The following ACOXL variants were observed in gnomAD, a reference collection of about 807,000 sequenced individuals.
The protein encoded by ACOXL is acyl-CoA oxidase like, also known as acyl-coenzyme A oxidase-like protein.
Under a neutral mutation model 71.9 loss-of-function variants are expected in ACOXL, and 70 were observed. The observed-to-expected ratio is 0.97, with a 90% CI of 0.80 to 1.19. The LOEUF (loss-of-function observed/expected upper bound fraction) is 1.19. Ranked by LOEUF, ACOXL falls within the 50% of genes most tolerant of loss-of-function variation. The pLI is 0.00. For synonymous variants in ACOXL, 253 were observed against 281.6 expected, an observed-to-expected ratio of 0.90 and a Z score of 1.02; for missense variants, 703 against 736.3, an observed-to-expected ratio of 0.95 and a Z score of 0.52.
intron 10 of ACOXL, among the ~76,000 whole-genome samples, chr2:110,858,103 T>C (rs908228412): frequency 2.0e-5 from 3 of 152,216 alleles, no homozygotes; most frequent in African/African-American, 7.2e-5. Context: ...GAGTACCTGC[T>C]ATCTGCCTAG....
chr2:111,083,948 C>T (rs1353126341), intron 16 of ACOXL, among the ~76,000 whole-genome samples: 1 of 152,002 alleles, frequency 6.6e-6, no homozygotes, highest in South Asian at 2.1e-4. Context: ...ATATTAGACT[C>T]TATAGACAGA....
At chr2:111,039,597 A>G (rs527305287) in intron 15 of ACOXL, among the ~76,000 whole-genome samples, 1 of 152,334 alleles carries the variant, frequency 6.6e-6, no homozygotes, top group South Asian at 2.1e-4. Context: ...CAAAGCAGAT[A>G]TTGAATACTT....
chr2:110,856,473 C>T lies in ACOXL; in HGVS notation c.788+15068C>T, dbSNP rs192331997. Among the ~76,000 whole-genome samples, 519 of 152,262 alleles carry T rather than the reference C, an allele frequency of 3.4e-3. 3 individuals carry two copies. Among genetic ancestry groups the T allele is most frequent in the African/African-American group, 0.012 (479 of 41,540 alleles). On this transcript the variant is annotated intron_variant, in intron 10 of 17. Coordinates refer to ENST00000439055, the MANE Select transcript of ACOXL (RefSeq NM_001142807.4). ...CAATTGGGATATGCCAAAGAGAAGC[C>T]ATAAAGTGTTTCCTTTAGGTAAAAA... is the stretch of plus-strand genomic sequence containing the variant.
rs1277342272 is a variant in ACOXL at position 110,784,795 on chromosome 2, G to A, written c.139G>A (p.Asp47Asn). Reference protein sequence around the residue: ...LVIGEVLSMADMATGVKCGII... With the variant: ...LVIGEVLSMANMATGVKCGII... ...CATAGGAGAAGTCCTCTCCATGGCG[G>A]ACATGGCCACAGGAGTGAAGGTGAG... Residue 47 changes from aspartate to asparagine, a missense_variant, in exon 3 of 18, where the codon GAC (aspartate) becomes AAC (asparagine). By Grantham distance (23) the Asp-to-Asn change is conservative. Coordinates refer to ENST00000439055, the MANE Select transcript of ACOXL (RefSeq NM_001142807.4). 1 of 1,607,442 alleles carries A rather than the reference G, an allele frequency of 6.2e-7. No individual in the cohort carries two copies. The highest frequency in any genetic ancestry group is 1.7e-5 in the Admixed American group (1 of 58,284).
intron 16 of ACOXL, among the ~76,000 whole-genome samples, chr2:111,070,252 C>T (rs183813798): frequency 1.3e-4 from 20 of 152,260 alleles, no homozygotes; most frequent in African/African-American, 3.9e-4. Context: ...AATCAACCAA[C>T]GTAGATGCCC....
At chr2:110,786,615 C>T (rs761863627) in intron 3 of ACOXL, among the ~76,000 whole-genome samples, 1 of 152,180 alleles carries the variant, frequency 6.6e-6, no homozygotes, top group Non-Finnish European at 1.5e-5. Context: ...AGCAAGCCTC[C>T]GTGGATTGTG....
At chr2:110,869,336 CCA>C (rs1057440426) in intron 10 of ACOXL, among the ~76,000 whole-genome samples, 1 of 152,154 alleles carries the variant, frequency 6.6e-6, no homozygotes, top group African/African-American at 2.4e-5. Context: ...TGTATCAGAG[CCA>C]CACACACTTC....
rs1275399506 is a variant in ACOXL, at chr2:110,933,609, C to A, written c.1026C>A (p.Cys342Ter). 1 of 1,613,220 alleles carries A rather than the reference C, an allele frequency of 6.2e-7. No homozygotes were observed. The highest frequency in any genetic ancestry group is 2.2e-5 in the East Asian group (1 of 44,886). ...ACAGCACCTGGGAGAACATCCGCTG[C>A]CTGCAGGACTGCCGCGAGTGCACTG... ...KAYSTWENIR[C>*]LQDCRECTGG... is the part of the protein sequence containing the mutation. Residue 342 changes from cysteine (C) to a stop codon, truncating the protein, a stop_gained, in exon 12 of 18, where the codon TGC (cysteine) becomes TGA (stop). Transcript: ENST00000439055. LOFTEE classifies it high-confidence loss of function.
chr2:110,907,265 G>T (rs1000027810), intron 10 of ACOXL, among the ~76,000 whole-genome samples: 3 of 152,004 alleles, frequency 2.0e-5, no homozygotes, highest in Non-Finnish European at 4.4e-5. Context: ...TTTTTATAAG[G>T]CCACCAATTC....
At chr2:111,067,847 C>T (rs2067146076) in intron 16 of ACOXL, among the ~76,000 whole-genome samples, 1 of 152,146 alleles carries the variant, frequency 6.6e-6, no homozygotes, top group South Asian at 2.1e-4. Context: ...GGGGAAATGG[C>T]CCTGCTTTCA....
intron 15 of ACOXL, among the ~76,000 whole-genome samples, chr2:111,048,323 G>A (rs980576182): frequency 6.6e-6 from 1 of 152,210 alleles, no homozygotes; most frequent in African/African-American, 2.4e-5. Context: ...AGGTCATAGA[G>A]GGTAAAGAGT....
chr2:110,735,729 T>C (rs988085462), intron 1 of ACOXL, among the ~76,000 whole-genome samples: 1 of 152,198 alleles, frequency 6.6e-6, no homozygotes, highest in African/African-American at 2.4e-5. Flanking sequence ...ATTGTGCATC[T>C]GACCAGGTGT....
chr2:110,892,554 G>A (rs1043283770), intron 10 of ACOXL, among the ~76,000 whole-genome samples: 2 of 152,138 alleles, frequency 1.3e-5, no homozygotes, highest in African/African-American at 4.8e-5. Flanking sequence ...TTTTTGCTCG[G>A]AGGGGTGGTT....
intron 16 of ACOXL, among the ~76,000 whole-genome samples, chr2:111,065,240 C>G (rs1330796467): frequency 6.6e-6 from 1 of 152,126 alleles, no homozygotes; most frequent in Non-Finnish European, 1.5e-5. Flanking sequence ...GCATGAGCAA[C>G]TCCAGTGAAG....
At chr2:111,035,759 A>G (rs1446395615) in intron 15 of ACOXL, among the ~76,000 whole-genome samples, 1 of 152,238 alleles carries the variant, frequency 6.6e-6, no homozygotes, top group African/African-American at 2.4e-5. Context: ...TTTCTTTGTT[A>G]ATAAAAACAT....
intron 15 of ACOXL, among the ~76,000 whole-genome samples, chr2:111,043,080 G>A (rs2065859649): frequency 6.6e-6 from 1 of 152,214 alleles, no homozygotes; most frequent in African/African-American, 2.4e-5. Flanking sequence ...GATGCATGCT[G>A]GCTCCTGTGG....
intron 12 of ACOXL, among the ~76,000 whole-genome samples, chr2:110,972,043 A>C (rs1366281305): frequency 6.6e-6 from 1 of 152,230 alleles, no homozygotes; most frequent in Non-Finnish European, 1.5e-5. Flanking sequence ...GGGAATGATC[A>C]CAATTTCTAA....
At chr2:111,050,586 G>A (rs2066243217) in intron 16 of ACOXL, among the ~76,000 whole-genome samples, 1 of 152,090 alleles carries the variant, frequency 6.6e-6, no homozygotes, top group Admixed American at 6.6e-5. Context: ...TCTATCCTGT[G>A]TTTTCTCCTA....
rs760567246 is a variant in ACOXL at position 110,805,256 on chromosome 2, T to C, written c.621-7T>C. ...TTTTTGTGAAACCCCACCTCTCTTT[T>C]CCACAGGTTTGGTTCCGTGGCTCCA... On this transcript the variant is annotated splice_polypyrimidine_tract_variant and splice_region_variant and intron_variant, in intron 8 of 17. Transcript: ENST00000439055. The C allele has an allele frequency of 1.2e-5, 20 of 1,613,824 alleles. No individual in the cohort carries two copies. Among genetic ancestry groups the C allele is most frequent in the Non-Finnish European group, 1.7e-5 (20 of 1,179,902 alleles).
Sources: allele counts gnomAD v4.1 joint callset (sites outside exome capture counted in the v4.1 genomes callset), GRCh38; gene constraint gnomAD v4.1.1; transcripts MANE v1.5; gene names NCBI Gene and HGNC (gene_info 2026-07-23, HGNC 2026-07-21).